FANCC: variants seen among roughly 807,000 people sequenced by gnomAD.
The protein encoded by FANCC is FA complementation group C, also known as Fanconi anemia group C protein.
In FANCC, 55 loss-of-function variants were observed where a neutral mutation model predicts 71.3. That is an observed-to-expected ratio of 0.77 (90% CI 0.62 to 0.97). FANCC has a LOEUF of 0.97. Among genes scored for constraint, FANCC ranks in the 50% least tolerant of loss-of-function variants. The probability of loss-of-function intolerance (pLI) is 0.00; values close to 1 mark genes in which losing one functional copy is unlikely to be tolerated. For missense variants in FANCC, 678 were observed against 670.9 expected (o/e 1.01, Z -0.12); for synonymous variants, 275 against 244.9 (o/e 1.12, Z -1.15).
intron 4 of FANCC, among the ~76,000 whole-genome samples, chr9:95,186,790 A>ATTTT (rs10671582): frequency 7.4e-6 from 1 of 134,974 alleles, no homozygotes; most frequent in African/African-American, 2.8e-5. Context: ...GGACTGTTGG[A>ATTTT]TTTTTTTTTT....
At chr9:95,241,279 T>C (rs1052928439) in intron 3 of FANCC, among the ~76,000 whole-genome samples, 1 of 152,254 alleles carries the variant, frequency 6.6e-6, no homozygotes, top group African/African-American at 2.4e-5. Flanking sequence ...TAAAAAGGAT[T>C]GTTTTAAAAT....
intron 4 of FANCC, among the ~76,000 whole-genome samples, chr9:95,189,858 A>C (rs1826975749): frequency 6.6e-6 from 1 of 152,170 alleles, no homozygotes; most frequent in African/African-American, 2.4e-5. Context: ...TGGTGCCCAC[A>C]CAGCTGAACA....
Position 95,150,041 on chromosome 9 carries a change from G to A in FANCC, c.568C>T (p.Leu190Phe), listed in dbSNP as rs1800364. Reference sequence around the variant, plus strand: ...GGGTCAACATCTGTCAGGGTAATAAGTGGGACACAAACTCGTGACAGGGAC... The same window carrying A: ...GGGTCAACATCTGTCAGGGTAATAAATGGGACACAAACTCGTGACAGGGAC... ...VASLSRVCVP[L>F]ITLTDVDPLV... Residue 190 changes from leucine (L) to phenylalanine (F), a missense_variant, in exon 7 of 15, where the codon CTT (leucine) becomes TTT (phenylalanine). Physicochemically the swap from Leu to Phe is conservative, Grantham distance 22 (BLOSUM62 0). Coordinates refer to ENST00000289081, the MANE Select transcript of FANCC (RefSeq NM_000136.3). 6.2e-7 allele frequency: 1 copy of A among 1,614,166 alleles called. No individual in the cohort carries two copies. The highest frequency in any genetic ancestry group is 1.6e-4 in the Middle Eastern group (1 of 6,062).
At chr9:95,292,685 T>A (rs1834118534) in intron 1 of FANCC, 1 of 1,326,366 alleles carries the variant, frequency 7.5e-7, no homozygotes. Flanking sequence ...GCACAGTCAA[T>A]CCAATAATAA....
At chr9:95,104,989 G>A (rs2071330673) in intron 14 of FANCC, among the ~76,000 whole-genome samples, 1 of 152,246 alleles carries the variant, frequency 6.6e-6, no homozygotes, top group Admixed American at 6.5e-5. Context: ...AAGCCCTCTA[G>A]GTTGGGCCGC....
At chr9:95,104,236 C>T (rs3780560) in intron 14 of FANCC, among the ~76,000 whole-genome samples, 144,098 of 152,286 alleles carry the variant, frequency 0.95, 68,196 homozygotes, top group Middle Eastern at 0.99. Context: ...GGAAGACTGA[C>T]GTGTCAATAA....
chr9:95,180,565 C>G (rs1564728598), intron 4 of FANCC, among the ~76,000 whole-genome samples: 1 of 151,714 alleles, frequency 6.6e-6, no homozygotes, highest in African/African-American at 2.4e-5. Context: ...TCTCAAACTC[C>G]TGGCCTAAAG....
Position 95,260,837 on chromosome 9 carries a change from T to C in FANCC, c.-78-11468A>G, listed in dbSNP as rs1004964772. Among the ~76,000 whole-genome samples, 9 of 152,314 alleles carry C rather than the reference T, an allele frequency of 5.9e-5. No homozygotes were observed. In the East Asian group the frequency reaches 1.7e-3, roughly 29 times the overall value. ...AACAAAATTTTGCAAATTGTTGAAATAGTATGTATTTTCTGTTTGTTTGTT... is the reference window on the plus strand; with the variant it reads ...AACAAAATTTTGCAAATTGTTGAAACAGTATGTATTTTCTGTTTGTTTGTT... On this transcript the variant is annotated intron_variant, in intron 1 of 14. Coordinates refer to ENST00000289081, the MANE Select transcript of FANCC (RefSeq NM_000136.3).
At chr9:95,246,068 A>G (rs1490068130) in intron 3 of FANCC, among the ~76,000 whole-genome samples, 6 of 152,212 alleles carry the variant, frequency 3.9e-5, no homozygotes, top group Non-Finnish European at 8.8e-5. Context: ...GTGCATATGC[A>G]TATACATAAT....
At chr9:95,294,373 G>A (rs1428175986) in intron 1 of FANCC, 17 of 1,594,678 alleles carry the variant, frequency 1.1e-5, no homozygotes, top group East Asian at 6.7e-5. Flanking sequence ...CTTCTTACTC[G>A]CAGATACCTC....
At chr9:95,241,924 T>A (rs1033671244) in intron 3 of FANCC, among the ~76,000 whole-genome samples, 4 of 152,176 alleles carry the variant, frequency 2.6e-5, no homozygotes, top group African/African-American at 9.6e-5. Flanking sequence ...CCTCCCAAAG[T>A]GCTGGGATCA....
chr9:95,182,833 G>A (rs1826459203), intron 4 of FANCC, among the ~76,000 whole-genome samples: 1 of 152,142 alleles, frequency 6.6e-6, no homozygotes, highest in Non-Finnish European at 1.5e-5. Flanking sequence ...CAAAGTGGAG[G>A]AGGGAGAGGC....
chr9:95,111,377 A>T, intron 13 of FANCC, 86 bp downstream of exon 13: 1 of 1,597,788 alleles, frequency 6.3e-7, no homozygotes. Context: ...CATGGAAGCC[A>T]AGCCCACAAC....
At chr9:95,112,492 T>A (rs1040718062) in intron 12 of FANCC, among the ~76,000 whole-genome samples, 2 of 152,210 alleles carry the variant, frequency 1.3e-5, no homozygotes, top group African/African-American at 4.8e-5. Flanking sequence ...AGTGGTTAAA[T>A]GTTCTACATT....
intron 7 of FANCC, among the ~76,000 whole-genome samples, chr9:95,141,521 G>GA (rs1409641438): frequency 1.3e-5 from 2 of 151,878 alleles, no homozygotes; most frequent in African/African-American, 2.4e-5. Flanking sequence ...TATCTAAGTT[G>GA]AAAAAAACAT....
chr9:95,181,828 T>C (rs1826390726), intron 4 of FANCC, among the ~76,000 whole-genome samples: 2 of 152,238 alleles, frequency 1.3e-5, no homozygotes, highest in Admixed American at 6.5e-5. Context: ...TGAAAAGCCA[T>C]TGAATGTGCT....
intron 1 of FANCC, chr9:95,292,277 C>A: frequency 7.4e-6 from 2 of 271,352 alleles, no homozygotes; most frequent in Non-Finnish European, 1.1e-5. Context: ...TAGACCCTAT[C>A]TCTCACCACT....
In FANCC at chr9:95,107,178, C is replaced by T. The variant is rs2134455689; in HGVS notation, c.1421G>A (p.Gly474Asp). The T allele has an allele frequency of 6.2e-7, 1 of 1,614,188 alleles. No homozygotes were observed. The highest frequency in any genetic ancestry group is 8.5e-7 in the Non-Finnish European group (1 of 1,180,022). ...AQDLQTVAGQGTDTDLRAPAQ... is the reference protein window; with the variant it reads ...AQDLQTVAGQDTDTDLRAPAQ... ...AGGAGCTCTGAGGTCTGTGTCTGTG[C>T]CCTGTCCTGCTACCGTCTGCAGGTC... Residue 474 changes from glycine (G) to aspartate (D), a missense_variant, in exon 14 of 15, where the codon GGC (glycine) becomes GAC (aspartate). Coordinates refer to ENST00000289081, the MANE Select transcript of FANCC (RefSeq NM_000136.3).
At chr9:95,263,142 A>G (rs1245269955) in intron 1 of FANCC, among the ~76,000 whole-genome samples, 1 of 152,098 alleles carries the variant, frequency 6.6e-6, no homozygotes, top group Non-Finnish European at 1.5e-5. Context: ...CAAATGACAA[A>G]CCTACAGTGG....
Sources: gnomAD v4.1 joint callset for allele counts (sites outside exome capture counted in the v4.1 genomes callset) on GRCh38, gnomAD v4.1.1 for gene constraint, MANE v1.5 for transcripts, NCBI Gene and HGNC (gene_info 2026-07-23, HGNC 2026-07-21) for gene names.